PCSK5: variants seen among roughly 807,000 people sequenced by gnomAD.
PCSK5 encodes prohormone convertase 5.
Under a neutral mutation model 233.2 loss-of-function variants are expected in PCSK5, and 129 were observed. The ratio of observed to expected loss-of-function variants is 0.55; its 90% CI spans 0.48 to 0.64. The LOEUF (loss-of-function observed/expected upper bound fraction) is 0.64. Ranked by LOEUF, PCSK5 falls within the 30% of genes least tolerant of loss-of-function variation. The pLI is 0.00. For synonymous variants in PCSK5, 825 were observed against 879.2 expected, an observed-to-expected ratio of 0.94 and a Z score of 1.09; for missense variants, 2,076 against 2,430.1, an observed-to-expected ratio of 0.85 and a Z score of 3.06.
chr9:76,121,854 C>T (rs1383685846), intron 9 of PCSK5, among the ~76,000 whole-genome samples: 2 of 37,486 alleles, frequency 5.3e-5, no homozygotes, highest in South Asian at 1.7e-3. Context: ...GACGGAGTCT[C>T]GCTCTGTCGC....
At chr9:76,265,243 C>T (rs552267644) in intron 24 of PCSK5, among the ~76,000 whole-genome samples, 113 of 151,716 alleles carry the variant, frequency 7.4e-4, no homozygotes, top group Non-Finnish European at 1.3e-3. Flanking sequence ...CAATAGAAAA[C>T]GGTGACTACT....
rs557668367 is a variant in PCSK5 at position 76,108,405 on chromosome 9, G to A, written c.1208+1054G>A. On this transcript the variant is annotated intron_variant, in intron 9 of 37. Coordinates refer to ENST00000674117, the MANE Select transcript of PCSK5 (RefSeq NM_001372043.1). ...ATCTAGCTGCACCCTGAAGTAGAGC[G>A]ATAGCCAGTGACAGAGAAGGAATAC... is the stretch of plus-strand genomic sequence containing the variant. 3.9e-5 allele frequency among the ~76,000 whole-genome samples: 6 copies of A among 152,308 alleles called. No individual in the cohort carries two copies. In the East Asian group the frequency reaches 5.8e-4, roughly 15 times the overall value.
intron 8 of PCSK5, among the ~76,000 whole-genome samples, 174 bp from the exon 9 acceptor site, chr9:76,107,077 G>C (rs1340226715): frequency 6.6e-6 from 1 of 150,386 alleles, no homozygotes; most frequent in African/African-American, 2.5e-5. Context: ...TTTCAGAGTT[G>C]ATCTACACAG....
At position 76,199,744 on chromosome 9, in the gene PCSK5, T is replaced by C. The variant is rs1054366270; in HGVS notation, c.2626+9998T>C. 2.6e-5 allele frequency among the ~76,000 whole-genome samples: 4 copies of C among 152,156 alleles called. No individual in the cohort carries two copies. In the South Asian group the frequency reaches 8.3e-4, roughly 32 times the overall value. ...AGGAGATCTTTGTCAATCTCATGGT[T>C]TTAAATACCATCTATATGCTGATGA... On this transcript the variant is annotated intron_variant, in intron 20 of 37. Transcript: ENST00000674117.
rs574921313 is a variant in PCSK5 at position 75,977,302 on chromosome 9, C to T, written c.298-8830C>T. Among the ~76,000 whole-genome samples, 4 of 151,918 alleles carry T rather than the reference C, an allele frequency of 2.6e-5. No individual in the cohort carries two copies. In the East Asian group the frequency reaches 7.8e-4, roughly 30 times the overall value. On this transcript the variant is annotated intron_variant, in intron 2 of 37. Coordinates refer to ENST00000674117, the MANE Select transcript of PCSK5 (RefSeq NM_001372043.1). ...GTAGGTAAACGTGTGCCATCCATGTCGGCTCACTGCACAGATCATCCCTTC... is the reference window on the plus strand; with the variant it reads ...GTAGGTAAACGTGTGCCATCCATGTTGGCTCACTGCACAGATCATCCCTTC...
In PCSK5 at chr9:76,252,631, C is replaced by T. The variant is rs11144810; in HGVS notation, c.3142+11947C>T. Among the ~76,000 whole-genome samples the T allele has an allele frequency of 9.8e-3, 1,497 of 152,282 alleles. 7 individuals are homozygous for T. Among genetic ancestry groups the T allele is most frequent in the Middle Eastern group, 0.017 (5 of 294 alleles). ...CTTTACCTTCCTTCAGTTTCGTTTA[C>T]CTCTACAAAGGACCTTCGTGCTCTG... On this transcript the variant is annotated intron_variant, in intron 24 of 37. Transcript: ENST00000674117.
chr9:75,918,749 AT>A (rs1300862538), intron 1 of PCSK5, among the ~76,000 whole-genome samples: 2 of 152,232 alleles, frequency 1.3e-5, no homozygotes, highest in African/African-American at 2.4e-5. Context: ...AGCTTTACAT[AT>A]TGCAAATGAT....
intron 1 of PCSK5, among the ~76,000 whole-genome samples, chr9:75,900,785 G>A (rs1295778796): frequency 6.7e-6 from 1 of 149,524 alleles, no homozygotes; most frequent in Non-Finnish European, 1.5e-5. Context: ...ACATGTCCAA[G>A]TTTGGAAGAT....
intron 3 of PCSK5, among the ~76,000 whole-genome samples, chr9:76,005,764 C>T (rs1006130305): frequency 2.0e-5 from 3 of 152,204 alleles, no homozygotes; most frequent in African/African-American, 7.2e-5. Context: ...AAATCTCCCT[C>T]ATTAAGGGCT....
chr9:76,036,815 AAGTAGATG>A (rs1285427174), intron 5 of PCSK5, among the ~76,000 whole-genome samples: 2 of 152,244 alleles, frequency 1.3e-5, no homozygotes, highest in African/African-American at 2.4e-5. Context: ...ATTGGTGGTC[AAGTAGATG>A]AGTAGATGAG....
Position 75,955,885 on chromosome 9 carries a change from A to G in PCSK5, c.297+23402A>G, listed in dbSNP as rs143270765. Among the ~76,000 whole-genome samples, 1,412 of 152,268 alleles carry G rather than the reference A, an allele frequency of 9.3e-3. 19 individuals carry two copies. The highest frequency in any genetic ancestry group is 0.01 in the Middle Eastern group (3 of 294). On this transcript the variant is annotated intron_variant, in intron 2 of 37. Transcript: ENST00000674117. The stretch of plus-strand genomic sequence containing the variant: ...ACGTGCTATCACCCCTGTTGAGAAT[A>G]TATGTACTAACTCAAATCATTTAAT...
intron 1 of PCSK5, among the ~76,000 whole-genome samples, chr9:75,905,889 G>T (rs534886177): frequency 6.6e-6 from 1 of 152,090 alleles, no homozygotes; most frequent in African/African-American, 2.4e-5. Flanking sequence ...CCGTGAAACC[G>T]GTCCCTGGTG....
At chr9:76,340,616 G>A (rs1179845933) in intron 35 of PCSK5, among the ~76,000 whole-genome samples, 2 of 135,442 alleles carry the variant, frequency 1.5e-5, no homozygotes, top group Non-Finnish European at 3.0e-5. Flanking sequence ...TTGCACTCCA[G>A]CGTGGCAACA....
chr9:75,892,016 C>T (rs1825631498), intron 1 of PCSK5, among the ~76,000 whole-genome samples: 2 of 151,928 alleles, frequency 1.3e-5, no homozygotes, highest in South Asian at 4.2e-4. Flanking sequence ...GCGAGGTCCG[C>T]GTGGGGGCTC....
intron 5 of PCSK5, among the ~76,000 whole-genome samples, chr9:76,064,636 G>A (rs1026469737): frequency 3.4e-5 from 5 of 147,374 alleles, no homozygotes; most frequent in African/African-American, 1.3e-4. Flanking sequence ...CAGGCGGAGG[G>A]GCTCCTCACT....
At chr9:76,143,026 T>C (rs1300239889) in intron 10 of PCSK5, among the ~76,000 whole-genome samples, 1 of 152,238 alleles carries the variant, frequency 6.6e-6, no homozygotes, top group African/African-American at 2.4e-5. Flanking sequence ...TTATGAATTA[T>C]ATTAATGTCA....
chr9:76,183,655 A>G (rs536556810), intron 16 of PCSK5, among the ~76,000 whole-genome samples: 3 of 152,320 alleles, frequency 2.0e-5, no homozygotes, highest in African/African-American at 7.2e-5. Context: ...AGACCGTATG[A>G]TGACTACTGT....
chr9:76,081,410 C>T (rs774503720), intron 7 of PCSK5, among the ~76,000 whole-genome samples: 15 of 151,992 alleles, frequency 9.9e-5, no homozygotes, highest in South Asian at 2.1e-4. Context: ...GTTGAGATTG[C>T]GCCATTGCAC....
In PCSK5 at chr9:76,189,754, C is replaced by T. The variant is rs546865172; in HGVS notation, c.2626+8C>T. ...GAGCCATTTGCAAGGATGGTGAGTA[C>T]AACTGCCCATATCGATCTTATGAAG... On this transcript the variant is annotated splice_region_variant and intron_variant, in intron 20 of 37. Coordinates refer to ENST00000674117, the MANE Select transcript of PCSK5 (RefSeq NM_001372043.1). 7.4e-7 allele frequency: 1 copy of T among 1,343,808 alleles called. No homozygotes were observed. 83.2% of individuals were successfully genotyped at this position (1,343,808 alleles called of 1,614,324 possible).
Sources: gnomAD v4.1 joint callset for allele counts (sites outside exome capture counted in the v4.1 genomes callset) on GRCh38, gnomAD v4.1.1 for gene constraint, MANE v1.5 for transcripts, NCBI Gene and HGNC (gene_info 2026-07-23, HGNC 2026-07-21) for gene names.